PRDM4: variants seen among roughly 807,000 people sequenced by gnomAD.
PRDM4 encodes PR/SET domain 4.
Under a neutral mutation model 62.3 loss-of-function variants are expected in PRDM4, and 38 were observed. The observed-to-expected ratio is 0.61, with a 90% CI of 0.47 to 0.80. PRDM4 has a LOEUF of 0.80. Ranked by LOEUF, PRDM4 falls within the 30% of genes least tolerant of loss-of-function variation. The probability of loss-of-function intolerance (pLI) is 0.00; values close to 1 mark genes in which losing one functional copy is unlikely to be tolerated. For synonymous variants in PRDM4, 339 were observed against 348.2 expected (o/e 0.97, Z 0.30); for missense variants, 858 against 997.1 (o/e 0.86, Z 1.88).
rs979544205 is a variant in PRDM4 at position 107,741,139 on chromosome 12, G to A, written c.1731C>T (p.Ser577=). Residue 577 remains serine (S), a synonymous_variant, in exon 10 of 12, where the codon AGC becomes AGT. Coordinates refer to ENST00000228437, the MANE Select transcript of PRDM4 (RefSeq NM_012406.4). The part of the protein sequence containing the change: ...IHNHLPTQGH[S]GSHGPSHSKE... ...TGCTGTGACTTGGCCCATGGCTGCC[G>A]CTATGTCCCTGGGTAGGAAGATGGT... 8.7e-6 allele frequency: 14 copies of A among 1,614,098 alleles called. No individual in the cohort carries two copies. The highest frequency in any genetic ancestry group is 7.7e-5 in the South Asian group (7 of 91,076).
chr12:107,741,382 T>C lies in PRDM4; in HGVS notation c.1610-122A>G, dbSNP rs1890513052. On this transcript the variant is annotated intron_variant, in intron 9 of 11. Coordinates refer to ENST00000228437, the MANE Select transcript of PRDM4 (RefSeq NM_012406.4). ...ATATTTCCAATTTGCCCACTTCCTA[T>C]AAAACTAAAATAATGTACTAAGGGC... is the stretch of plus-strand genomic sequence containing the variant. 3.3e-6 allele frequency: 3 copies of C among 921,066 alleles called. No individual in the cohort carries two copies. The African/African-American group carries it at 5.0e-5, about 15-fold the overall frequency. 57.1% of individuals were successfully genotyped at this position (921,066 alleles called of 1,614,324 possible).
At chr12:107,749,396 C>CTTTTTTTTTTTTTTTTTTTTT (rs56295338) in intron 5 of PRDM4, among the ~76,000 whole-genome samples, 1 of 130,136 alleles carries the variant, frequency 7.7e-6, no homozygotes. Context: ...TTTCTGTTTG[C>CTTTTTTTTTTTTTTTTTTTTT]TTTTTTTTTT....
At chr12:107,739,249 G>A in intron 11 of PRDM4, 134 bp downstream of exon 11, 1 of 961,416 alleles carries the variant, frequency 1.0e-6, no homozygotes, top group South Asian at 2.2e-5. Flanking sequence ...ATGGAACACA[G>A]AAGGCATCTA....
intron 11 of PRDM4, among the ~76,000 whole-genome samples, chr12:107,736,358 A>G (rs899538680): frequency 2.6e-5 from 4 of 152,340 alleles, no homozygotes; most frequent in East Asian, 1.9e-4. Context: ...TCCTGAGGAG[A>G]TAACATTTGA....
Position 107,741,209 on chromosome 12 carries a change from T to A in PRDM4, c.1661A>T (p.Asn554Ile). The change falls in exon 10 of 12, where the codon AAT becomes ATT. Residue 554 changes from asparagine (N) to isoleucine (I), a missense_variant. Around this residue, in one of 3 missense-constraint regions of PRDM4, gnomAD observed 355 missense variants for 432.6 expected, o/e 0.82. Coordinates refer to ENST00000228437, the MANE Select transcript of PRDM4 (RefSeq NM_012406.4). ...VHLCNCGKEC[N>I]SYTEFKAHLT... ...ATGGGCTTTGAACTCTGTGTAAGAA[T>A]TGCACTCCTTGCCACAGTTACAGAG... is the stretch of plus-strand genomic sequence containing the variant. 1 of 1,614,140 alleles carries A rather than the reference T, an allele frequency of 6.2e-7. No homozygotes were observed. Among genetic ancestry groups the A allele is most frequent in the Non-Finnish European group, 8.5e-7 (1 of 1,180,000 alleles).
At chr12:107,746,488 G>C (rs571228427) in intron 5 of PRDM4, 64 bp from the exon 6 acceptor site, 143 of 1,351,592 alleles carry the variant, frequency 1.1e-4, no homozygotes, top group Non-Finnish European at 1.4e-4. Context: ...TTACCACCAC[G>C]GTTTTTTTTT....
At chr12:107,752,336 G>A (rs1448921664) in intron 4 of PRDM4, 127 bp from the exon 5 acceptor site, 9 of 706,508 alleles carry the variant, frequency 1.3e-5, no homozygotes, top group Non-Finnish European at 1.9e-5. Context: ...TAATTTAATC[G>A]ATACACACTA....
chr12:107,742,939 A>T (rs1013725741), intron 8 of PRDM4, among the ~76,000 whole-genome samples: 1 of 151,802 alleles, frequency 6.6e-6, no homozygotes, highest in African/African-American at 2.4e-5. Flanking sequence ...ATTTGAAAAA[A>T]ACTTTTTTTA....
chr12:107,737,069 T>TA (rs1209515525), intron 11 of PRDM4: 1 of 151,960 alleles, frequency 6.6e-6, no homozygotes, highest in Non-Finnish European at 1.5e-5. Flanking sequence ...TGACGGTATC[T>TA]AAAGCCATGA....
chr12:107,736,626 G>A (rs935738716), intron 11 of PRDM4: 1 of 152,316 alleles, frequency 6.6e-6, no homozygotes, highest in African/African-American at 2.4e-5. Context: ...AGATGTATGA[G>A]TGGAGACAGG....
chr12:107,740,939 A>C lies in PRDM4; in HGVS notation c.1924+7T>G, dbSNP rs763550058. 1 of 1,610,164 alleles carries C rather than the reference A, an allele frequency of 6.2e-7. No homozygotes were observed. Among genetic ancestry groups the C allele is most frequent in the Non-Finnish European group, 8.5e-7 (1 of 1,177,410 alleles). On this transcript the variant is annotated splice_region_variant and intron_variant, in intron 10 of 11. Transcript: ENST00000228437. ...AAATTCCATTCTGATGGGCCAACAC[A>C]ACTTACCTGTATGTATCTTGAGGTG...
Position 107,741,178 on chromosome 12 carries a change from G to A in PRDM4, c.1692C>T (p.Thr564=). Residue 564 remains threonine (T), a synonymous_variant, in exon 10 of 12, where the codon ACC becomes ACT. Coordinates refer to ENST00000228437, the MANE Select transcript of PRDM4 (RefSeq NM_012406.4). ...NSYTEFKAHL[T]SHIHNHLPTQ... ...TAGGAAGATGGTTATGGATGTGGCTGGTCAGATGGGCTTTGAACTCTGTGT... is the reference window on the plus strand; with the variant it reads ...TAGGAAGATGGTTATGGATGTGGCTAGTCAGATGGGCTTTGAACTCTGTGT... 6.2e-7 allele frequency: 1 copy of A among 1,614,082 alleles called. No individual in the cohort carries two copies. The highest frequency in any genetic ancestry group is 8.5e-7 in the Non-Finnish European group (1 of 1,180,016).
intron 3 of PRDM4, among the ~76,000 whole-genome samples, chr12:107,755,188 G>C (rs1395740867): frequency 6.6e-6 from 1 of 152,116 alleles, no homozygotes; most frequent in East Asian, 1.9e-4. Flanking sequence ...GGCTCAAGTG[G>C]CCATCCCTTC....
At position 107,760,530 on chromosome 12, in the gene PRDM4, A is replaced by G; in HGVS notation, c.-15T>C. The G allele has an allele frequency of 6.2e-7, 1 of 1,613,232 alleles. No individual in the cohort carries two copies. Among genetic ancestry groups the G allele is most frequent in the Non-Finnish European group, 8.5e-7 (1 of 1,179,610 alleles). Reference sequence around the variant, plus strand: ...CTGTGATGCATCGGCTTGGGGCCAAATATCAGAGAAAGGAGCGCTCGGGTG... The same window carrying G: ...CTGTGATGCATCGGCTTGGGGCCAAGTATCAGAGAAAGGAGCGCTCGGGTG... On this transcript the variant is annotated 5_prime_UTR_variant, in exon 2 of 12. Transcript: ENST00000228437.
chr12:107,753,219 G>T (rs968882741), intron 4 of PRDM4, among the ~76,000 whole-genome samples: 1 of 151,868 alleles, frequency 6.6e-6, no homozygotes, highest in Admixed American at 6.6e-5. Context: ...TTTTAAAAAA[G>T]TTATTTATAA....
chr12:107,750,450 G>A (rs1226751533), intron 5 of PRDM4, among the ~76,000 whole-genome samples: 1 of 152,082 alleles, frequency 6.6e-6, no homozygotes, highest in Non-Finnish European at 1.5e-5. Context: ...AGGCTAAAGT[G>A]GGAGGATCAC....
chr12:107,752,929 T>A (rs572642866), intron 4 of PRDM4, among the ~76,000 whole-genome samples: 1 of 152,080 alleles, frequency 6.6e-6, no homozygotes, highest in Non-Finnish European at 1.5e-5. Flanking sequence ...ACAATAAAGA[T>A]AATAAACCAT....
At chr12:107,738,890 CA>C (rs1490151141) in intron 11 of PRDM4, among the ~76,000 whole-genome samples, 1 of 149,744 alleles carries the variant, frequency 6.7e-6, no homozygotes, top group African/African-American at 2.5e-5. Context: ...CACACACACA[CA>C]CACACACACA....
intron 9 of PRDM4, 103 bp from the exon 10 acceptor site, chr12:107,741,363 C>T: frequency 1.8e-6 from 2 of 1,107,750 alleles, no homozygotes; most frequent in South Asian, 3.2e-5. Flanking sequence ...CTCCATATTT[C>T]CAATTTGCCC....
Sources: allele counts gnomAD v4.1 joint callset (sites outside exome capture counted in the v4.1 genomes callset), GRCh38; gene constraint gnomAD v4.1.1; regional missense constraint gnomAD v4.1.1; transcripts MANE v1.5; gene names NCBI Gene and HGNC (gene_info 2026-07-23, HGNC 2026-07-21).